PHLPP1: variants seen among roughly 807,000 people sequenced by gnomAD.
The protein encoded by PHLPP1 is PH domain leucine-rich repeat-containing protein phosphatase 1.
Under a neutral mutation model 117.2 loss-of-function variants are expected in PHLPP1, and 42 were observed. That is an observed-to-expected ratio of 0.36 (90% CI 0.28 to 0.46). The LOEUF (loss-of-function observed/expected upper bound fraction) is 0.46. Ranked by LOEUF, PHLPP1 falls within the 20% of genes least tolerant of loss-of-function variation. The pLI, the probability that PHLPP1 is intolerant of heterozygous loss-of-function variation, is 1.00. For missense variants in PHLPP1, 2,084 were observed against 2,241.9 expected, an observed-to-expected ratio of 0.93 and a Z score of 1.42; for synonymous variants, 1,042 against 970.7, an observed-to-expected ratio of 1.07 and a Z score of -1.37.
chr18:62,903,185 A>G lies in PHLPP1; in HGVS notation c.2647+19A>G, dbSNP rs770038548. 5 of 1,537,162 alleles carry G rather than the reference A, an allele frequency of 3.3e-6. No homozygotes were observed. The highest frequency in any genetic ancestry group is 4.5e-6 in the Non-Finnish European group (5 of 1,115,740). ...TCTAATGGTATGTATCATAGGCTAC[A>G]TCAAAGTTGCTCTTTTGGTTCCAGG... On this transcript the variant is annotated intron_variant, in intron 7 of 16. Transcript: ENST00000262719.
chr18:62,885,560 T>G (rs1277015003), intron 4 of PHLPP1, among the ~76,000 whole-genome samples: 2 of 152,152 alleles, frequency 1.3e-5, no homozygotes, highest in Non-Finnish European at 2.9e-5. Context: ...CTCGGGAGGC[T>G]GAGGCAGAAG....
intron 6 of PHLPP1, among the ~76,000 whole-genome samples, chr18:62,902,538 G>A (rs768627561): frequency 1.3e-5 from 2 of 152,094 alleles, no homozygotes; most frequent in Non-Finnish European, 2.9e-5. Flanking sequence ...TTAAATATTC[G>A]TTGTAGTTGT....
At chr18:62,935,725 C>T (rs999676607) in intron 10 of PHLPP1, among the ~76,000 whole-genome samples, 3 of 152,234 alleles carry the variant, frequency 2.0e-5, no homozygotes, top group East Asian at 3.9e-4. Context: ...GGTTTTTGGC[C>T]GGGTGCCATG....
Position 62,967,534 on chromosome 18 carries a change from G to A in PHLPP1, c.3560+4062G>A, listed in dbSNP as rs557326517. The stretch of plus-strand genomic sequence containing the variant: ...CATATACCTTCTTTGGTGAAAACTT[G>A]TTCATTCACAATCAAATGTGATGTT... On this transcript the variant is annotated intron_variant, in intron 14 of 16. Coordinates refer to ENST00000262719, the MANE Select transcript of PHLPP1 (RefSeq NM_194449.4). 2.0e-5 allele frequency among the ~76,000 whole-genome samples: 3 copies of A among 151,530 alleles called. No homozygotes were observed. The East Asian group carries it at 5.8e-4, about 29-fold the overall frequency.
intron 1 of PHLPP1, among the ~76,000 whole-genome samples, chr18:62,822,481 T>G (rs1380448642): frequency 6.6e-6 from 1 of 151,904 alleles, no homozygotes; most frequent in Non-Finnish European, 1.5e-5. Flanking sequence ...AGACGGGGTT[T>G]CACCGTGTTA....
intron 1 of PHLPP1, among the ~76,000 whole-genome samples, chr18:62,827,010 T>C: frequency 6.6e-6 from 1 of 151,898 alleles, no homozygotes. Flanking sequence ...AAAAAATAAA[T>C]AAATAAAATA....
At chr18:62,794,638 G>T (rs573314091) in intron 1 of PHLPP1, among the ~76,000 whole-genome samples, 1 of 152,296 alleles carries the variant, frequency 6.6e-6, no homozygotes, top group Non-Finnish European at 1.5e-5. Flanking sequence ...GCTTCCCAAA[G>T]TGATGGGATT....
In PHLPP1 at chr18:62,854,720, A is replaced by T. The variant is rs528064638; in HGVS notation, c.1900-5715A>T. 7.0e-5 allele frequency among the ~76,000 whole-genome samples: 10 copies of T among 142,106 alleles called. No individual in the cohort carries two copies. In the Admixed American group the frequency reaches 7.1e-4, roughly 10 times the overall value. 93.2% of individuals were successfully genotyped at this position (142,106 alleles called of 152,430 possible). A position where few individuals can be genotyped will look rare whatever the true frequency, so the allele number is the denominator to read the frequency against. On this transcript the variant is annotated intron_variant, in intron 3 of 16. Transcript: ENST00000262719. ...TTTTTTTTTTTTTTTTTTTGAGATG[A>T]AGTTTCGCTCTTGTCACCCAGGGTG...
At position 62,958,741 on chromosome 18, in the gene PHLPP1, A is replaced by C. The variant is rs773186055; in HGVS notation, c.3437A>C (p.Lys1146Thr). ...TGNPRLVLDHKTLELLNNIRC... is the reference protein window; with the variant it reads ...TGNPRLVLDHTTLELLNNIRC... ...AACCCGCGCCTTGTCCTTGATCACA[A>C]AACCCTGGAACTACTGAAGTAAGTA... Residue 1146 changes from lysine (K) to threonine (T), a missense_variant, in exon 13 of 17, where the codon AAA becomes ACA. Transcript: ENST00000262719. 1.2e-6 allele frequency: 2 copies of C among 1,614,002 alleles called. No homozygotes were observed. Among genetic ancestry groups the C allele is most frequent in the East Asian group, 4.5e-5 (2 of 44,876 alleles).
intron 8 of PHLPP1, among the ~76,000 whole-genome samples, chr18:62,906,057 T>G (rs1916840578): frequency 6.6e-6 from 1 of 152,206 alleles, no homozygotes; most frequent in Non-Finnish European, 1.5e-5. Context: ...ATAGGGAGTT[T>G]GTGGCCCACT....
intron 1 of PHLPP1, among the ~76,000 whole-genome samples, chr18:62,782,085 T>C (rs1289438108): frequency 6.6e-6 from 1 of 152,250 alleles, no homozygotes; most frequent in Admixed American, 6.5e-5. Context: ...TTTTCAGCCA[T>C]ACTTTTGATT....
chr18:62,879,860 A>G (rs1916135535), intron 4 of PHLPP1, among the ~76,000 whole-genome samples: 1 of 152,126 alleles, frequency 6.6e-6, no homozygotes, highest in African/African-American at 2.4e-5. Context: ...TAGCCATACC[A>G]TACGATTCTT....
At chr18:62,744,328 A>C (rs1911615256) in intron 1 of PHLPP1, among the ~76,000 whole-genome samples, 1 of 152,190 alleles carries the variant, frequency 6.6e-6, no homozygotes. Context: ...TTAGAGGAAC[A>C]GAGATTACCT....
intron 7 of PHLPP1, among the ~76,000 whole-genome samples, chr18:62,903,769 C>CAA (rs57210403): frequency 3.5e-5 from 3 of 85,654 alleles, no homozygotes; most frequent in African/African-American, 7.8e-5. Flanking sequence ...GACCCTGTCT[C>CAA]AAAAAAAAAA....
intron 3 of PHLPP1, among the ~76,000 whole-genome samples, chr18:62,855,877 G>A (rs1166264390): frequency 6.6e-6 from 1 of 152,188 alleles, no homozygotes; most frequent in Non-Finnish European, 1.5e-5. Flanking sequence ...GAAAGGAGGA[G>A]GTATAAGGTC....
At chr18:62,911,383 A>C (rs1403144135) in intron 8 of PHLPP1, among the ~76,000 whole-genome samples, 1 of 38,874 alleles carries the variant, frequency 2.6e-5, no homozygotes, top group East Asian at 3.9e-4. Flanking sequence ...CATGGGAGAA[A>C]ATTTTCGCAA....
intron 1 of PHLPP1, among the ~76,000 whole-genome samples, chr18:62,810,312 C>T (rs1175111341): frequency 2.0e-5 from 3 of 152,164 alleles, no homozygotes; most frequent in Non-Finnish European, 2.9e-5. Context: ...CTATTTGGAG[C>T]TTTGCTGGTA....
At chr18:62,939,180 G>A (rs1484053565) in intron 10 of PHLPP1, among the ~76,000 whole-genome samples, 10 of 151,568 alleles carry the variant, frequency 6.6e-5, no homozygotes, top group Non-Finnish European at 1.2e-4. Flanking sequence ...TAGTAGAGGA[G>A]GGGGGTTTCA....
At chr18:62,977,625 A>G (rs534855703) in intron 16 of PHLPP1, among the ~76,000 whole-genome samples, 26 of 152,328 alleles carry the variant, frequency 1.7e-4, no homozygotes, top group Admixed American at 3.3e-4. Flanking sequence ...TTCTCCTGAC[A>G]TGAGCATTCT....
Sources: gnomAD v4.1 joint callset for allele counts (sites outside exome capture counted in the v4.1 genomes callset) on GRCh38, gnomAD v4.1.1 for gene constraint, MANE v1.5 for transcripts, NCBI Gene and HGNC (gene_info 2026-07-23, HGNC 2026-07-21) for gene names.